Variants in TENM3 observed in about 807,000 individuals in gnomAD.
TENM3 encodes the protein teneurin-3.
In TENM3, 63 loss-of-function variants were observed where a neutral mutation model predicts 255.1. The ratio of observed to expected loss-of-function variants is 0.25; its 90% CI spans 0.20 to 0.30. The LOEUF is 0.30. TENM3 is among the 10% of genes least tolerant of loss of function. TENM3 has a pLI of 1.00. For synonymous variants in TENM3, 1,306 were observed against 1,322.3 expected, an observed-to-expected ratio of 0.99 and a Z score of 0.27; for missense variants, 2,929 against 3,461.1, an observed-to-expected ratio of 0.85 and a Z score of 3.86.
rs562989897 is a variant in TENM3, at chr4:182,395,681, T to C, written c.511+48752T>C. Among the ~76,000 whole-genome samples, 3 of 152,276 alleles carry C rather than the reference T, an allele frequency of 2.0e-5. No individual in the cohort carries two copies. The East Asian group carries it at 5.8e-4, about 29-fold the overall frequency. On this transcript the variant is annotated intron_variant, in intron 3 of 27. Coordinates refer to ENST00000511685, the MANE Select transcript of TENM3 (RefSeq NM_001080477.4). Reference sequence around the variant, plus strand: ...GATAAATGCATATGCTTTTTAAAAATAAAATGTTTTATTTATAAAACATAA... The same window carrying C: ...GATAAATGCATATGCTTTTTAAAAACAAAATGTTTTATTTATAAAACATAA...
chr4:181,661,601 C>T, the TENM3 span, among the ~76,000 whole-genome samples: 2 of 152,058 alleles, frequency 1.3e-5, no homozygotes, highest in African/African-American at 4.8e-5. Context: ...TTTTACTAGC[C>T]CCTACTGAAT....
Position 182,799,754 on chromosome 4 carries a change from G to A in TENM3, c.7503G>A (p.Met2501Ile). ...AGTCGCTGATCGGCAAGGGCGTCAT[G>A]CTGGCCGTCAGCCAGGGCCGCGTGC... ...TVKSLIGKGV[M>I]LAVSQGRVQT... Residue 2501 changes from methionine (M) to isoleucine (I), a missense_variant, in exon 28 of 28, where the codon ATG becomes ATA. Transcript: ENST00000511685. This position sits in a 1 kb window ranked among gnomAD's most constrained non-coding sequence, Gnocchi z 4.2. 1 of 1,571,542 alleles carries A rather than the reference G, an allele frequency of 6.4e-7. No individual in the cohort carries two copies. The highest frequency in any genetic ancestry group is 8.6e-7 in the Non-Finnish European group (1 of 1,159,702).
the TENM3 span, among the ~76,000 whole-genome samples, chr4:181,969,318 G>A: frequency 1.3e-5 from 2 of 152,138 alleles, no homozygotes; most frequent in Non-Finnish European, 2.9e-5. Flanking sequence ...CTTTAAAGAT[G>A]TTACAGTTAG....
rs1760666392 is a variant in TENM3, at chr4:182,731,121, C to T, written c.2949C>T (p.Pro983=). 6.2e-7 allele frequency: 1 copy of T among 1,613,612 alleles called. No homozygotes were observed. Among genetic ancestry groups the T allele is most frequent in the Non-Finnish European group, 8.5e-7 (1 of 1,179,746 alleles). Residue 983 remains proline, a synonymous_variant, in exon 16 of 28, where the codon CCC becomes CCT. Transcript: ENST00000511685. ...TCAGATCTTCTCCTGAAGACAGTCC[C>T]ATCATTCCCGAAACACAGGTAAAAT... ...TFFRSSPEDS[P]IIPETQVLHE...
At chr4:182,140,304 C>T (rs1749303191), upstream of TENM3, among the ~76,000 whole-genome samples, 4 of 152,140 alleles carry the variant, frequency 2.6e-5, no homozygotes, top group Non-Finnish European at 4.4e-5. Flanking sequence ...TGGCCCATCA[C>T]CTATTTGCTG....
intron 3 of TENM3, among the ~76,000 whole-genome samples, chr4:182,579,652 A>G (rs1403321329): frequency 6.6e-6 from 1 of 152,200 alleles, no homozygotes; most frequent in Admixed American, 6.5e-5. Flanking sequence ...GAGTAATGAC[A>G]TTACATTGGC....
At chr4:182,521,184 T>C (rs1402915315) in intron 3 of TENM3, among the ~76,000 whole-genome samples, 3 of 152,240 alleles carry the variant, frequency 2.0e-5, no homozygotes, top group Non-Finnish European at 4.4e-5. Context: ...TCATGCACTC[T>C]GTAGAATGTT....
chr4:181,577,446 T>C, the TENM3 span, among the ~76,000 whole-genome samples: 1 of 151,938 alleles, frequency 6.6e-6, no homozygotes, highest in South Asian at 2.1e-4. Flanking sequence ...TCAGAACCTT[T>C]CATGGATTCT....
intron 3 of TENM3, among the ~76,000 whole-genome samples, chr4:182,600,258 A>T (rs1452652503): frequency 6.6e-6 from 1 of 152,212 alleles, no homozygotes; most frequent in Non-Finnish European, 1.5e-5. Flanking sequence ...GTCATTAAGT[A>T]TATGAGTCTT....
the TENM3 span, among the ~76,000 whole-genome samples, chr4:181,631,572 G>A: frequency 4.6e-5 from 7 of 152,166 alleles, no homozygotes; most frequent in Non-Finnish European, 1.0e-4. Context: ...TTACAGGCAT[G>A]AGCCACTGTG....
chr4:182,669,125 CATCTT>C (rs1372118612), intron 6 of TENM3, among the ~76,000 whole-genome samples: 3 of 152,058 alleles, frequency 2.0e-5, no homozygotes, highest in East Asian at 1.9e-4. Context: ...TGTATACTGA[CATCTT>C]AGAGGGGAAG....
intron 3 of TENM3, among the ~76,000 whole-genome samples, chr4:182,589,699 G>A (rs1746410211): frequency 1.3e-5 from 2 of 152,112 alleles, no homozygotes; most frequent in Admixed American, 6.5e-5. Flanking sequence ...GCGGCCGGGC[G>A]CAGTGGCTCA....
chr4:182,105,258 C>A, the TENM3 span, among the ~76,000 whole-genome samples: 5 of 152,102 alleles, frequency 3.3e-5, no homozygotes, highest in Non-Finnish European at 7.4e-5. Context: ...CCTCCCCGAC[C>A]TTTCTGATTC....
the TENM3 span, among the ~76,000 whole-genome samples, chr4:181,556,894 C>A: frequency 6.6e-6 from 1 of 152,116 alleles, no homozygotes; most frequent in South Asian, 2.1e-4. Context: ...AATGAGAAAA[C>A]GTAACGGTTT....
the TENM3 span, among the ~76,000 whole-genome samples, chr4:181,999,197 C>T: frequency 6.6e-6 from 1 of 152,096 alleles, no homozygotes; most frequent in African/African-American, 2.4e-5. Context: ...ATTTCATTTA[C>T]TGCTCCATAT....
intron 3 of TENM3, among the ~76,000 whole-genome samples, chr4:182,523,661 G>A (rs1036292573): frequency 1.3e-5 from 2 of 152,072 alleles, no homozygotes; most frequent in African/African-American, 4.8e-5. Flanking sequence ...GAAGCTCTGG[G>A]CAATTTGAAG....
the TENM3 span, among the ~76,000 whole-genome samples, chr4:181,681,404 T>G: frequency 6.6e-6 from 1 of 152,126 alleles, no homozygotes; most frequent in Admixed American, 6.6e-5. Flanking sequence ...TCCCCCCTGT[T>G]CTGAAGGCAT....
rs149222489 is a variant in TENM3, at chr4:182,292,033, C to T, written c.-75-31913C>T. The stretch of plus-strand genomic sequence containing the variant: ...GTTTTCCCCAAAACATTTTTATGCT[C>T]GTCTTTTTTCCTTTTTCAGCCCATG... On this transcript the variant is annotated intron_variant, in intron 1 of 27. Transcript: ENST00000511685. Among the ~76,000 whole-genome samples, 283 of 152,238 alleles carry T rather than the reference C, an allele frequency of 1.9e-3. 1 individual carries two copies. Among genetic ancestry groups the T allele is most frequent in the Admixed American group, 4.4e-3 (68 of 15,284 alleles).
the TENM3 span, among the ~76,000 whole-genome samples, chr4:182,095,366 A>G: frequency 6.6e-6 from 1 of 152,266 alleles, no homozygotes; most frequent in African/African-American, 2.4e-5. Flanking sequence ...TTAGCCATAA[A>G]AAAGAATGAA....
Sources: gnomAD v4.1 joint callset for allele counts (sites outside exome capture counted in the v4.1 genomes callset) on GRCh38, gnomAD v4.1.1 for gene constraint, Gnocchi (gnomAD v3.1) non-coding constraint, MANE v1.5 for transcripts, NCBI Gene and HGNC (gene_info 2026-07-23, HGNC 2026-07-21) for gene names.